The following PTPRM variants were observed in gnomAD, a reference collection of about 807,000 sequenced individuals.
PTPRM encodes the protein protein tyrosine phosphatase receptor type M.
PTPRM carries 47 observed loss-of-function variants against 186.7 expected under a neutral mutation model. That is an observed-to-expected ratio of 0.25 (90% CI 0.20 to 0.32). The LOEUF (loss-of-function observed/expected upper bound fraction) is 0.32, where lower values mean the gene tolerates loss of function less well. Ranked by LOEUF, PTPRM falls within the 10% of genes least tolerant of loss-of-function variation. PTPRM has a pLI of 1.00. For missense variants in PTPRM, 1,494 were observed against 1,865.0 expected (o/e 0.80, Z 3.66); for synonymous variants, 668 against 674.9 (o/e 0.99, Z 0.16).
At chr18:7,965,772 C>T (rs148010837) in intron 7 of PTPRM, among the ~76,000 whole-genome samples, 4 of 152,302 alleles carry the variant, frequency 2.6e-5, no homozygotes, top group African/African-American at 9.6e-5. Flanking sequence ...GTCCTGTGTA[C>T]TTCCTTCTAT....
At chr18:7,790,016 C>T (rs2043263122) in intron 2 of PTPRM, among the ~76,000 whole-genome samples, 1 of 152,060 alleles carries the variant, frequency 6.6e-6, no homozygotes, top group South Asian at 2.1e-4. Flanking sequence ...TTCAGTAATT[C>T]CTTAAATCCC....
chr18:7,975,576 A>G (rs943535972), intron 7 of PTPRM, among the ~76,000 whole-genome samples: 1 of 152,236 alleles, frequency 6.6e-6, no homozygotes, highest in African/African-American at 2.4e-5. Flanking sequence ...AGGTCTGCAT[A>G]TAAGATGGTA....
chr18:8,209,766 C>T (rs1301082809), intron 14 of PTPRM, among the ~76,000 whole-genome samples: 4 of 151,628 alleles, frequency 2.6e-5, no homozygotes, highest in Admixed American at 6.6e-5. Context: ...AAGTGGGAGT[C>T]GAACAATGAG....
chr18:8,209,983 T>G (rs1601237181), intron 14 of PTPRM, among the ~76,000 whole-genome samples: 1 of 63,850 alleles, frequency 1.6e-5, no homozygotes, highest in Non-Finnish European at 3.1e-5. Flanking sequence ...GAACTTGAAG[T>G]AAAATTAAAA....
intron 1 of PTPRM, among the ~76,000 whole-genome samples, chr18:7,688,535 GT>G (rs2039661069): frequency 6.6e-6 from 1 of 152,160 alleles, no homozygotes; most frequent in Non-Finnish European, 1.5e-5. Context: ...GACAGGTTAG[GT>G]GTTGGGTAAA....
At chr18:7,866,203 C>G (rs151023730) in intron 2 of PTPRM, among the ~76,000 whole-genome samples, 1 of 151,998 alleles carries the variant, frequency 6.6e-6, no homozygotes. Flanking sequence ...CTGCTCTGAT[C>G]GTAGTTATTT....
intron 1 of PTPRM, among the ~76,000 whole-genome samples, chr18:7,636,792 T>C (rs1410172848): frequency 2.6e-5 from 4 of 152,202 alleles, no homozygotes; most frequent in Admixed American, 2.6e-4. Flanking sequence ...GTTGGAGGTT[T>C]AGAGTGAGGA....
At chr18:8,076,426 A>G in intron 8 of PTPRM, 29 bp from the exon 9 acceptor site, 1 of 1,315,244 alleles carries the variant, frequency 7.6e-7, no homozygotes, top group Admixed American at 1.8e-5. Context: ...TTATTACTTA[A>G]ACATTTATTT....
At position 8,020,651 on chromosome 18, in the gene PTPRM, CT is replaced by C. The variant is rs148151385; in HGVS notation, c.1133-49034del. 4.4e-3 allele frequency among the ~76,000 whole-genome samples: 670 copies of C among 152,302 alleles called. 2 individuals carry two copies. Among genetic ancestry groups the C allele is most frequent in the African/African-American group, 0.016 (648 of 41,564 alleles). ...TGCCTCACTTCCTGGTCTCTCAGTA[CT>C]GGCTTGGTGCCTTTACAGCCCAATC... On this transcript the variant is annotated intron_variant, in intron 7 of 32. Coordinates refer to ENST00000580170, the MANE Select transcript of PTPRM (RefSeq NM_001105244.2).
At position 8,382,935 on chromosome 18, in the gene PTPRM, G is replaced by A. The variant is rs917977619; in HGVS notation, c.3919-1626G>A. Among the ~76,000 whole-genome samples the A allele has an allele frequency of 3.3e-5, 5 of 152,182 alleles. No individual in the cohort carries two copies. In the South Asian group the frequency reaches 1.0e-3, roughly 32 times the overall value. ...TGCTCTTGGCCCAGGATAGAAACAGGTTGTATAATAAAGTAGTTCTCCCCT... is the reference window on the plus strand; with the variant it reads ...TGCTCTTGGCCCAGGATAGAAACAGATTGTATAATAAAGTAGTTCTCCCCT... On this transcript the variant is annotated intron_variant, in intron 29 of 32. Transcript: ENST00000580170.
rs1314388032 is a variant in PTPRM at position 7,728,623 on chromosome 18, G to GAAC, written c.74-45526_74-45525insAAC. ...AAAGGGCAGGCAAACTGGGGCAGAT[G>GAAC]TTCTCCCTTTGGGTCTTGGGTTTCA... On this transcript the variant is annotated intron_variant, in intron 1 of 32. Coordinates refer to ENST00000580170, the MANE Select transcript of PTPRM (RefSeq NM_001105244.2). Among the ~76,000 whole-genome samples, 14 of 152,358 alleles carry GAAC rather than the reference G, an allele frequency of 9.2e-5. No individual in the cohort carries two copies. The East Asian group carries it at 2.3e-3, about 25-fold the overall frequency.
intron 14 of PTPRM, among the ~76,000 whole-genome samples, chr18:8,170,241 A>G (rs1200047360): frequency 6.6e-6 from 1 of 152,176 alleles, no homozygotes; most frequent in Non-Finnish European, 1.5e-5. Flanking sequence ...TGGTACAGCT[A>G]GGTGGGCTCT....
At chr18:7,741,390 G>T (rs1232862815) in intron 1 of PTPRM, 1 of 152,128 alleles carries the variant, frequency 6.6e-6, no homozygotes, top group Non-Finnish European at 1.5e-5. Context: ...TGAAACATTT[G>T]TCTTTTCGGC....
chr18:8,211,909 G>A (rs184220549), intron 14 of PTPRM, among the ~76,000 whole-genome samples: 4 of 152,234 alleles, frequency 2.6e-5, no homozygotes, highest in South Asian at 2.1e-4. Context: ...CCATGCACTC[G>A]TCAGCATGGC....
chr18:7,981,823 A>G (rs1166458721), intron 7 of PTPRM, among the ~76,000 whole-genome samples: 4 of 152,212 alleles, frequency 2.6e-5, no homozygotes, highest in Non-Finnish European at 4.4e-5. Flanking sequence ...TACTGTATTG[A>G]ATGCTGTAGA....
intron 24 of PTPRM, among the ~76,000 whole-genome samples, chr18:8,372,579 A>AT (rs1187961194): frequency 1.3e-5 from 2 of 151,912 alleles, no homozygotes; most frequent in African/African-American, 2.4e-5. Flanking sequence ...ACTATTTAGC[A>AT]TTTTTTTTCT....
rs954925073 is a variant in PTPRM, at chr18:8,010,716, A to T, written c.1132+55302A>T. On this transcript the variant is annotated intron_variant, in intron 7 of 32. Coordinates refer to ENST00000580170, the MANE Select transcript of PTPRM (RefSeq NM_001105244.2). ...GGAGGCTGAGGTCAGGGAGGGTAGG[A>T]TCTGAATTTAAGGAGGTGGCATACT... Among the ~76,000 whole-genome samples, 5 of 152,234 alleles carry T rather than the reference A, an allele frequency of 3.3e-5. 1 individual carries two copies. In the East Asian group the frequency reaches 7.7e-4, roughly 24 times the overall value.
At chr18:8,076,615 G>T in intron 9 of PTPRM, 51 bp downstream of exon 9, 1 of 936,658 alleles carries the variant, frequency 1.1e-6, no homozygotes, top group South Asian at 1.5e-5. Flanking sequence ...TCATGATCAT[G>T]ATAATGTAGG....
At chr18:7,896,193 T>C (rs2146440504) in intron 3 of PTPRM, among the ~76,000 whole-genome samples, 1 of 152,290 alleles carries the variant, frequency 6.6e-6, no homozygotes, top group Middle Eastern at 3.4e-3. Context: ...CCTGCCTCCT[T>C]TGATTTAGAC....
Sources: allele counts gnomAD v4.1 joint callset (sites outside exome capture counted in the v4.1 genomes callset), GRCh38; gene constraint gnomAD v4.1.1; transcripts MANE v1.5; gene names NCBI Gene and HGNC (gene_info 2026-07-23, HGNC 2026-07-21).